The following FRY variants were observed in gnomAD, a reference collection of about 807,000 sequenced individuals.
FRY encodes FRY microtubule binding protein.
FRY carries 128 observed loss-of-function variants against 348.4 expected under a neutral mutation model. That is an observed-to-expected ratio of 0.37 (90% CI 0.32 to 0.43). The LOEUF (loss-of-function observed/expected upper bound fraction) is 0.43. Among genes scored for constraint, FRY ranks in the 20% least tolerant of loss-of-function variants. FRY has a pLI of 1.00. For synonymous variants in FRY, 1,370 were observed against 1,374.7 expected (o/e 1.00, Z 0.08); for missense variants, 2,736 against 3,695.2 (o/e 0.74, Z 6.73).
chr13:32,249,945 G>T (rs1213807771), intron 49 of FRY, among the ~76,000 whole-genome samples: 1 of 152,124 alleles, frequency 6.6e-6, no homozygotes, highest in Non-Finnish European at 1.5e-5. Context: ...ATAAAATCTG[G>T]TCTCTCTTTC....
intron 1 of FRY, among the ~76,000 whole-genome samples, chr13:32,069,090 T>G (rs1566053579): frequency 6.6e-6 from 1 of 152,086 alleles, no homozygotes; most frequent in Admixed American, 6.5e-5. Flanking sequence ...CTAATTTTTG[T>G]ATTTTTAGTA....
At chr13:32,273,439 G>A (rs994493911) in intron 55 of FRY, among the ~76,000 whole-genome samples, 3 of 151,940 alleles carry the variant, frequency 2.0e-5, no homozygotes, top group African/African-American at 7.3e-5. Context: ...AGCCAGGATG[G>A]TCTCGATCTC....
chr13:32,118,048 T>C (rs1878418611), intron 4 of FRY, among the ~76,000 whole-genome samples: 1 of 152,188 alleles, frequency 6.6e-6, no homozygotes, highest in African/African-American at 2.4e-5. Flanking sequence ...TTATTCTCTG[T>C]TCCCTTCTTC....
intron 4 of FRY, among the ~76,000 whole-genome samples, chr13:32,117,998 C>T (rs1000664228): frequency 6.6e-6 from 1 of 152,140 alleles, no homozygotes; most frequent in Non-Finnish European, 1.5e-5. Context: ...TTAGGTGACA[C>T]CATCTCCAAC....
chr13:32,112,740 TA>T (rs1386753812), intron 3 of FRY, among the ~76,000 whole-genome samples: 1 of 152,242 alleles, frequency 6.6e-6, no homozygotes, highest in Non-Finnish European at 1.5e-5. Context: ...TATTTCTTAA[TA>T]TGTTAAAATA....
intron 49 of FRY, 127 bp downstream of exon 49, chr13:32,249,814 G>A: frequency 1.3e-6 from 1 of 792,556 alleles, no homozygotes; most frequent in Admixed American, 2.0e-5. Context: ...CACTTCCAGG[G>A]ATGGGGTCTT....
intron 55 of FRY, among the ~76,000 whole-genome samples, chr13:32,269,058 C>T (rs889606227): frequency 6.6e-6 from 1 of 152,050 alleles, no homozygotes; most frequent in Non-Finnish European, 1.5e-5. Flanking sequence ...TTGAGTAGCT[C>T]ATGGAAGACG....
chr13:32,090,074 C>T (rs117633412), intron 2 of FRY, among the ~76,000 whole-genome samples: 11,509 of 151,738 alleles, frequency 0.076, 584 homozygotes, highest in Admixed American at 0.12. Context: ...CACAGCCGGG[C>T]GCTGTGGCTC....
At chr13:32,074,308 A>C (rs1874872659) in intron 1 of FRY, among the ~76,000 whole-genome samples, 1 of 152,220 alleles carries the variant, frequency 6.6e-6, no homozygotes, top group African/African-American at 2.4e-5. Context: ...TTAAGACAAA[A>C]GAAGGCAATG....
intron 58 of FRY, among the ~76,000 whole-genome samples, chr13:32,285,816 A>G (rs1889017376): frequency 6.6e-6 from 1 of 152,236 alleles, no homozygotes; most frequent in Non-Finnish European, 1.5e-5. Context: ...CTGCGGCTAT[A>G]TAGACTTAAG....
At chr13:32,078,473 C>A (rs1206579472) in intron 1 of FRY, among the ~76,000 whole-genome samples, 1 of 152,060 alleles carries the variant, frequency 6.6e-6, no homozygotes, top group Non-Finnish European at 1.5e-5. Flanking sequence ...ACTTTTTTTC[C>A]CATATATGTT....
rs1326596181 is a variant in FRY at position 32,117,425 on chromosome 13, A to G, written c.416A>G (p.Glu139Gly). The G allele has an allele frequency of 1.4e-5, 23 of 1,613,748 alleles. No homozygotes were observed. The highest frequency in any genetic ancestry group is 1.9e-5 in the Non-Finnish European group (23 of 1,179,738). ...FDWYKRQNGI[E>G]DESHEYRPRT... ...TGGTATAAAAGGCAAAATGGCATTG[A>G]GGATGAATCACATGAATACAGACCA... Residue 139 changes from glutamate to glycine, a missense_variant, in exon 4 of 61, where the codon GAG becomes GGG. By Grantham distance (98) the Glu-to-Gly change is moderately conservative. Around this residue, in one of 9 missense-constraint regions of FRY, gnomAD observed 309 missense variants for 418.1 expected, o/e 0.74. Transcript: ENST00000542859.
At chr13:32,137,291 G>A (rs1048975557) in intron 11 of FRY, among the ~76,000 whole-genome samples, 2 of 152,058 alleles carry the variant, frequency 1.3e-5, no homozygotes, top group African/African-American at 4.8e-5. Context: ...TAGAATAAGG[G>A]CCACATTCAG....
In FRY at chr13:32,237,465, C is replaced by G. The variant is rs1366720413; in HGVS notation, c.5897C>G (p.Thr1966Ser). The G allele has an allele frequency of 6.2e-7, 1 of 1,614,108 alleles. No individual in the cohort carries two copies. Among genetic ancestry groups the G allele is most frequent in the South Asian group, 1.1e-5 (1 of 91,086 alleles). The change falls in exon 44 of 61, where the codon ACC becomes AGC. Residue 1966 changes from threonine to serine, a missense_variant. Coordinates refer to ENST00000542859, the MANE Select transcript of FRY (RefSeq NM_023037.3). The surrounding 1 kb of genome is among the most constrained non-coding windows in gnomAD (Gnocchi z 6.3). ...CAACTAAACATGAACCCGGGAACCA[C>G]CAGCGGCAACACCGCAACTGCCGAA... ...TGQLNMNPGT[T>S]SGNTATAERS...
intron 16 of FRY, among the ~76,000 whole-genome samples, chr13:32,160,229 G>T (rs191883862): frequency 6.6e-6 from 1 of 152,154 alleles, no homozygotes; most frequent in East Asian, 1.9e-4. Flanking sequence ...ATGCTATTTT[G>T]CATTTTCATT....
In FRY at chr13:32,192,276, TTTTG is replaced by T. The variant is rs528500053; in HGVS notation, c.3592-1855_3592-1852del. 2.6e-3 allele frequency among the ~76,000 whole-genome samples: 398 copies of T among 150,958 alleles called. 1 individual carries two copies. The highest frequency in any genetic ancestry group is 3.5e-3 in the Non-Finnish European group (234 of 67,554). The stretch of plus-strand genomic sequence containing the variant: ...TCTAACTTTTTAATGACTTTTTTTG[TTTTG>T]TTTGTTTGTTTATTTGTTTTGTTTT... On this transcript the variant is annotated intron_variant, in intron 28 of 60. Transcript: ENST00000542859.
intron 18 of FRY, among the ~76,000 whole-genome samples, chr13:32,171,729 G>T (rs775889557): frequency 1.3e-5 from 2 of 152,120 alleles, no homozygotes; most frequent in Non-Finnish European, 2.9e-5. Flanking sequence ...TCTTCCACTG[G>T]CATAAATTGT....
intron 4 of FRY, among the ~76,000 whole-genome samples, chr13:32,123,204 T>C (rs1593638665): frequency 6.6e-6 from 1 of 152,186 alleles, no homozygotes; most frequent in Admixed American, 6.5e-5. Context: ...AAAATTCATA[T>C]GGAACCAAAA....
At chr13:32,083,766 G>T (rs74595041) in intron 2 of FRY, among the ~76,000 whole-genome samples, 340 of 152,142 alleles carry the variant, frequency 2.2e-3, no homozygotes, top group African/African-American at 7.8e-3. Context: ...AGAGACCACT[G>T]GGAACATCGT....
Sources: allele counts gnomAD v4.1 joint callset (sites outside exome capture counted in the v4.1 genomes callset), GRCh38; gene constraint gnomAD v4.1.1; regional missense constraint gnomAD v4.1.1; non-coding constraint Gnocchi (gnomAD v3.1); transcripts MANE v1.5; gene names NCBI Gene and HGNC (gene_info 2026-07-23, HGNC 2026-07-21).